ACACB: variants seen among roughly 807,000 people sequenced by gnomAD.
ACACB encodes acetyl-CoA carboxylase 2.
Under a neutral mutation model 278.8 loss-of-function variants are expected in ACACB, and 209 were observed. The observed-to-expected ratio is 0.75, with a 90% CI of 0.67 to 0.84. The LOEUF (loss-of-function observed/expected upper bound fraction) is 0.84, where lower values mean the gene tolerates loss of function less well. Among genes scored for constraint, ACACB ranks in the 40% least tolerant of loss-of-function variants. ACACB has a pLI of 0.00. For missense variants in ACACB, 2,850 were observed against 3,269.0 expected, an observed-to-expected ratio of 0.87 and a Z score of 3.13; for synonymous variants, 1,174 against 1,285.6, an observed-to-expected ratio of 0.91 and a Z score of 1.86.
chr12:109,171,932 C>T lies in ACACB; in HGVS notation c.1035+18C>T, dbSNP rs2044131229. The T allele has an allele frequency of 6.9e-6, 11 of 1,596,956 alleles. No individual in the cohort carries two copies. Among genetic ancestry groups the T allele is most frequent in the Non-Finnish European group, 9.4e-6 (11 of 1,164,588 alleles). ...CCGTGCAGGTAGATGGACTGGGGTG[C>T]CCAAGTGTGGCCCCTGAGTGTGGGA... On this transcript the variant is annotated intron_variant, in intron 5 of 52. Coordinates refer to ENST00000338432, the MANE Select transcript of ACACB (RefSeq NM_001093.4).
chr12:109,159,097 C>A (rs1436924896), intron 2 of ACACB, among the ~76,000 whole-genome samples: 1 of 152,230 alleles, frequency 6.6e-6, no homozygotes, highest in Non-Finnish European at 1.5e-5. Flanking sequence ...CCACTCACCC[C>A]TGGCCTAGCC....
At position 109,245,589 on chromosome 12, in the gene ACACB, G is replaced by A. The variant is rs188530049; in HGVS notation, c.5179-37G>A. 3 of 1,604,654 alleles carry A rather than the reference G, an allele frequency of 1.9e-6. No individual in the cohort carries two copies. In the East Asian group the frequency reaches 6.7e-5, roughly 36 times the overall value. On this transcript the variant is annotated intron_variant, in intron 37 of 52. Coordinates refer to ENST00000338432, the MANE Select transcript of ACACB (RefSeq NM_001093.4). The stretch of plus-strand genomic sequence containing the variant: ...GGAAAGATAGTTCTTCCCTACTGAT[G>A]ACTTCAAGTTTTTTCTCTTTCCTCT...
At chr12:109,223,593 A>G (rs556688701) in intron 26 of ACACB, among the ~76,000 whole-genome samples, 1 of 152,186 alleles carries the variant, frequency 6.6e-6, no homozygotes, top group East Asian at 1.9e-4. Flanking sequence ...CTGTCTCTAC[A>G]AAAAATAGAC....
At chr12:109,265,988 A>G (rs1484056929) in intron 52 of ACACB, among the ~76,000 whole-genome samples, 1 of 152,248 alleles carries the variant, frequency 6.6e-6, no homozygotes, top group African/African-American at 2.4e-5. Context: ...GCTGAGACTC[A>G]AGGCAGTGTC....
chr12:109,222,663 C>A, intron 25 of ACACB, 43 bp downstream of exon 25: 2 of 1,568,968 alleles, frequency 1.3e-6, no homozygotes, highest in Non-Finnish European at 1.8e-6. Flanking sequence ...CGTTTCCCCC[C>A]ACCCTCCTAT....
chr12:109,128,964 T>C (rs1442688886), intron 1 of ACACB, among the ~76,000 whole-genome samples: 2 of 151,876 alleles, frequency 1.3e-5, no homozygotes, highest in East Asian at 2.0e-4. Flanking sequence ...AATTGACAAA[T>C]AAACATTGCT....
chr12:109,138,639 C>T (rs533403954), intron 1 of ACACB, among the ~76,000 whole-genome samples: 4 of 151,706 alleles, frequency 2.6e-5, no homozygotes, highest in Non-Finnish European at 4.4e-5. Flanking sequence ...CTTTGGGAAG[C>T]CAAGGTCAGG....
rs1193637171 is a variant in ACACB, at chr12:109,268,045, C to T, written c.*1683C>T. The stretch of plus-strand genomic sequence containing the variant: ...GGAGAAGGTGAATGATTCATTATTC[C>T]ACCCCGAGGTTTGCTGGGGTGAGGG... On this transcript the variant is annotated 3_prime_UTR_variant, in exon 53 of 53. Transcript: ENST00000338432. The surrounding 1 kb of genome is among the most constrained non-coding windows in gnomAD (Gnocchi z 4.2). The T allele has an allele frequency of 6.6e-6, 1 of 152,084 alleles. No individual in the cohort carries two copies. The highest frequency in any genetic ancestry group is 1.5e-5 in the Non-Finnish European group (1 of 68,026). The allele number at this position is 152,084 out of a possible 1,614,324, so 9.4% of individuals were successfully genotyped here.
At chr12:109,232,004 C>A (rs2046487375) in intron 28 of ACACB, among the ~76,000 whole-genome samples, 1 of 152,224 alleles carries the variant, frequency 6.6e-6, no homozygotes, top group Non-Finnish European at 1.5e-5. Context: ...TCCAAGTTCC[C>A]AGAGGCCAGC....
At chr12:109,223,491 C>T (rs183680904) in intron 26 of ACACB, among the ~76,000 whole-genome samples, 15 of 152,278 alleles carry the variant, frequency 9.9e-5, no homozygotes, top group Admixed American at 9.8e-4. Context: ...GGCACGGTGG[C>T]TCATGCCTGT....
At chr12:109,252,206 AT>A in intron 42 of ACACB, 50 bp downstream of exon 42, 1 of 1,294,114 alleles carries the variant, frequency 7.7e-7, no homozygotes, top group Non-Finnish European at 1.1e-6. Flanking sequence ...GCCAGGAGTC[AT>A]TTTAACATTC....
chr12:109,196,861 A>G (rs2045148913), intron 16 of ACACB, 147 bp from the exon 17 acceptor site: 1 of 954,680 alleles, frequency 1.0e-6, no homozygotes, highest in Non-Finnish European at 1.4e-6. Context: ...CTTGGCAGGA[A>G]TTGTGAGGGC....
chr12:109,226,699 CAAAAAAAAA>C (rs531983826), intron 27 of ACACB, among the ~76,000 whole-genome samples: 9 of 74,206 alleles, frequency 1.2e-4, no homozygotes, highest in Non-Finnish European at 2.2e-4. Flanking sequence ...AACTCCATCT[CAAAAAAAAA>C]AAAAAAAAAA....
intron 2 of ACACB, among the ~76,000 whole-genome samples, chr12:109,154,407 T>G (rs1165519845): frequency 6.6e-6 from 1 of 152,272 alleles, no homozygotes; most frequent in Non-Finnish European, 1.5e-5. Context: ...TTTCCACCGC[T>G]TCCCTATCGT....
chr12:109,206,327 G>A (rs544967220), intron 19 of ACACB, among the ~76,000 whole-genome samples: 4 of 151,320 alleles, frequency 2.6e-5, no homozygotes, highest in Non-Finnish European at 4.4e-5. Flanking sequence ...CCAGCTACTC[G>A]GGAGACTGAG....
At chr12:109,265,919 C>T (rs563258627) in intron 52 of ACACB, among the ~76,000 whole-genome samples, 140 of 152,372 alleles carry the variant, frequency 9.2e-4, no homozygotes, top group African/African-American at 2.9e-3. Context: ...CCCCAATTGC[C>T]ATGGGGTCAC....
At chr12:109,117,092 C>T (rs1314071691) in intron 1 of ACACB, among the ~76,000 whole-genome samples, 37 of 137,692 alleles carry the variant, frequency 2.7e-4, no homozygotes, top group Admixed American at 1.5e-3. Context: ...AGGCTGGGCA[C>T]GGTGGCTCAT....
At chr12:109,213,754 C>T (rs890678643) in intron 22 of ACACB, among the ~76,000 whole-genome samples, 6 of 152,120 alleles carry the variant, frequency 3.9e-5, no homozygotes, top group East Asian at 1.9e-4. Context: ...CCCAACACCA[C>T]GCCCGGCTAA....
intron 1 of ACACB, among the ~76,000 whole-genome samples, chr12:109,123,091 G>A (rs2042589665): frequency 6.6e-6 from 1 of 151,122 alleles, no homozygotes; most frequent in Non-Finnish European, 1.5e-5. Flanking sequence ...TGAGGCAGGA[G>A]AATGGCATGA....
Sources: gnomAD v4.1 joint callset for allele counts (sites outside exome capture counted in the v4.1 genomes callset) on GRCh38, gnomAD v4.1.1 for gene constraint, Gnocchi (gnomAD v3.1) non-coding constraint, MANE v1.5 for transcripts, NCBI Gene and HGNC (gene_info 2026-07-23, HGNC 2026-07-21) for gene names.